Variants in RIN2 observed in about 807,000 individuals in gnomAD.
The protein encoded by RIN2 is RAB5 interacting protein 2.
Under a neutral mutation model 78.0 loss-of-function variants are expected in RIN2, and 36 were observed. The observed-to-expected ratio is 0.46, with a 90% CI of 0.35 to 0.61. The LOEUF (loss-of-function observed/expected upper bound fraction) is 0.61, where lower values mean the gene tolerates loss of function less well. Ranked by LOEUF, RIN2 falls within the 20% of genes least tolerant of loss-of-function variation. RIN2 has a pLI of 0.00. For missense variants in RIN2, 1,087 were observed against 1,159.7 expected, an observed-to-expected ratio of 0.94 and a Z score of 0.91; for synonymous variants, 466 against 466.8, an observed-to-expected ratio of 1.00 and a Z score of 0.02.
chr20:19,882,281 T>C (rs902590187), intron 2 of RIN2, among the ~76,000 whole-genome samples: 3 of 152,180 alleles, frequency 2.0e-5, no homozygotes, highest in Non-Finnish European at 2.9e-5. Context: ...AGAGCAGGAA[T>C]CTTAAACAGT....
At chr20:19,915,233 G>A (rs1017725162) in intron 3 of RIN2, among the ~76,000 whole-genome samples, 8 of 152,172 alleles carry the variant, frequency 5.3e-5, no homozygotes, top group African/African-American at 1.9e-4. Flanking sequence ...GACAGGAAGG[G>A]GAGGCAGCCA....
chr20:19,868,440 A>AT (rs1427209063), intron 2 of RIN2, among the ~76,000 whole-genome samples: 2 of 152,246 alleles, frequency 1.3e-5, no homozygotes, highest in Admixed American at 1.3e-4. Context: ...TTAGTAAATT[A>AT]TTTAGTGTCC....
chr20:19,770,725 C>T (rs1391347597), intron 1 of RIN2, among the ~76,000 whole-genome samples: 3 of 152,062 alleles, frequency 2.0e-5, no homozygotes, highest in African/African-American at 7.2e-5. Context: ...CGTGTTTTTC[C>T]TCTGCTCTCA....
At chr20:19,956,257 CAA>C (rs11483774) in intron 4 of RIN2, among the ~76,000 whole-genome samples, 3 of 50,736 alleles carry the variant, frequency 5.9e-5, no homozygotes, top group African/African-American at 7.7e-5. Flanking sequence ...GACTCCATCT[CAA>C]AAAAAAAAAA....
chr20:19,960,628 A>T, intron 5 of RIN2, 72 bp from the exon 6 acceptor site: 5 of 1,123,614 alleles, frequency 4.4e-6, no homozygotes, highest in Non-Finnish European at 6.6e-6. Flanking sequence ...ATTGAGTGTG[A>T]GGGAAACCAG....
At chr20:19,795,962 T>C (rs981112539) in intron 1 of RIN2, among the ~76,000 whole-genome samples, 3 of 151,752 alleles carry the variant, frequency 2.0e-5, no homozygotes, top group African/African-American at 2.4e-5. Flanking sequence ...TGGCTCAGCC[T>C]ATAATCTTGC....
intron 1 of RIN2, among the ~76,000 whole-genome samples, chr20:19,769,537 C>A (rs2122392801): frequency 6.6e-6 from 1 of 152,304 alleles, no homozygotes; most frequent in Non-Finnish European, 1.5e-5. Flanking sequence ...ACAAGCCCTG[C>A]CAGTGAAGTG....
At position 20,001,669 on chromosome 20, in the gene RIN2, T is replaced by C. The variant is rs1018243534; in HGVS notation, c.*733T>C. On this transcript the variant is annotated 3_prime_UTR_variant, in exon 13 of 13. Coordinates refer to ENST00000255006, the MANE Select transcript of RIN2 (RefSeq NM_018993.4). Reference sequence around the variant, plus strand: ...TTCCTGACACTGGCCACAGAATGCCTTTGGAAATCGGATGTACTGTTCTCT... The same window carrying C: ...TTCCTGACACTGGCCACAGAATGCCCTTGGAAATCGGATGTACTGTTCTCT... 6.6e-6 allele frequency: 1 copy of C among 152,592 alleles called. No individual in the cohort carries two copies. Among genetic ancestry groups the C allele is most frequent in the Non-Finnish European group, 1.5e-5 (1 of 68,038 alleles). 9.5% of individuals were successfully genotyped at this position (152,592 alleles called of 1,614,324 possible).
chr20:19,903,779 C>T (rs754489461), intron 3 of RIN2, among the ~76,000 whole-genome samples: 1 of 152,146 alleles, frequency 6.6e-6, no homozygotes, highest in Non-Finnish European at 1.5e-5. Flanking sequence ...TGAGGTTTCT[C>T]CAACTATCTC....
rs58947389 is a variant in RIN2 at position 19,865,488 on chromosome 20, C to CTTTT, written c.-36-24066_-36-24063dup. Reference sequence around the variant, plus strand: ...TCATTTTAAAAGTTATACTTTCTTTCTTTTTTTTTTTTTTTGGCAACAGTG... The same window carrying CTTTT: ...TCATTTTAAAAGTTATACTTTCTTTCTTTTTTTTTTTTTTTTTTTGGCAACAGTG... On this transcript the variant is annotated intron_variant, in intron 2 of 12. Coordinates refer to ENST00000255006, the MANE Select transcript of RIN2 (RefSeq NM_018993.4). Among the ~76,000 whole-genome samples the CTTTT allele has an allele frequency of 6.2e-3, 848 of 135,842 alleles. 8 individuals are homozygous for CTTTT. Among genetic ancestry groups the CTTTT allele is most frequent in the African/African-American group, 0.012 (451 of 36,416 alleles). 89.1% of individuals were successfully genotyped at this position (135,842 alleles called of 152,430 possible). A position where few individuals can be genotyped will look rare whatever the true frequency, so the allele number is the denominator to read the frequency against.
chr20:19,848,549 A>AG (rs1337412225), intron 2 of RIN2, among the ~76,000 whole-genome samples: 1 of 151,708 alleles, frequency 6.6e-6, no homozygotes, highest in Non-Finnish European at 1.5e-5. Flanking sequence ...AAAAAAAAAA[A>AG]AAAAAAAGAG....
At position 19,801,381 on chromosome 20, in the gene RIN2, C is replaced by T. The variant is rs147556510; in HGVS notation, c.-37+1634C>T. 3.0e-3 allele frequency among the ~76,000 whole-genome samples: 459 copies of T among 151,986 alleles called. 2 individuals are homozygous for T. Among genetic ancestry groups the T allele is most frequent in the South Asian group, 4.1e-3 (20 of 4,820 alleles). The stretch of plus-strand genomic sequence containing the variant: ...TGTCACCCAGGCTGGAGTGCAGTGG[C>T]GCAATGTCGGCTCACTGCAATCTCT... On this transcript the variant is annotated intron_variant, in intron 2 of 12. Transcript: ENST00000255006.
At chr20:19,855,707 A>G (rs929875588) in intron 2 of RIN2, among the ~76,000 whole-genome samples, 1 of 152,156 alleles carries the variant, frequency 6.6e-6, no homozygotes, top group Non-Finnish European at 1.5e-5. Context: ...TCTTCTGTAA[A>G]ATCAAGAAAA....
At chr20:19,966,995 T>A (rs1426550485) in intron 7 of RIN2, among the ~76,000 whole-genome samples, 1 of 151,514 alleles carries the variant, frequency 6.6e-6, no homozygotes, top group Non-Finnish European at 1.5e-5. Context: ...GTTGGAGGAG[T>A]AAGTCTCAAT....
intron 2 of RIN2, among the ~76,000 whole-genome samples, chr20:19,842,429 A>G (rs1315217597): frequency 1.0e-5 from 1 of 96,728 alleles, no homozygotes; most frequent in Non-Finnish European, 1.9e-5. Flanking sequence ...TTTAGTAGAG[A>G]TGGGGTTTCG....
chr20:19,935,501 G>A (rs895713358), intron 4 of RIN2: 2 of 1,131,662 alleles, frequency 1.8e-6, no homozygotes, highest in African/African-American at 3.2e-5. Flanking sequence ...AAACAGTAAT[G>A]CAGCAAGATC....
intron 1 of RIN2, among the ~76,000 whole-genome samples, chr20:19,766,078 G>T (rs1344896323): frequency 1.3e-5 from 2 of 152,136 alleles, no homozygotes; most frequent in Non-Finnish European, 2.9e-5. Flanking sequence ...GTGACAGTCA[G>T]ACAGCTCCCT....
intron 2 of RIN2, among the ~76,000 whole-genome samples, chr20:19,816,346 T>G (rs1050766095): frequency 6.6e-6 from 1 of 152,306 alleles, no homozygotes; most frequent in Middle Eastern, 3.4e-3. Flanking sequence ...CTACCTCCAT[T>G]TGATATCACC....
intron 1 of RIN2, among the ~76,000 whole-genome samples, chr20:19,764,453 T>A (rs1017584199): frequency 1.4e-4 from 22 of 152,182 alleles, no homozygotes; most frequent in Non-Finnish European, 8.8e-5. Flanking sequence ...GTCCTGGGTG[T>A]GTCTGACTTC....
Sources: gnomAD v4.1 joint callset for allele counts (sites outside exome capture counted in the v4.1 genomes callset) on GRCh38, gnomAD v4.1.1 for gene constraint, MANE v1.5 for transcripts, NCBI Gene and HGNC (gene_info 2026-07-23, HGNC 2026-07-21) for gene names.